The following RIMS2 variants were observed in gnomAD, a reference collection of about 807,000 sequenced individuals.
RIMS2 encodes regulating synaptic membrane exocytosis protein 2.
A neutral mutation model predicts 174.4 loss-of-function variants in RIMS2; 59 were observed. The ratio of observed to expected loss-of-function variants is 0.34; its 90% CI spans 0.27 to 0.42. The LOEUF is 0.42. Among genes scored for constraint, RIMS2 ranks in the 10% least tolerant of loss-of-function variants. The probability of loss-of-function intolerance (pLI) is 1.00; values close to 1 mark genes in which losing one functional copy is unlikely to be tolerated. For synonymous variants in RIMS2, 606 were observed against 572.5 expected (o/e 1.06, Z -0.84); for missense variants, 1,620 against 1,666.3 (o/e 0.97, Z 0.48).
chr8:103,761,340 G>A (rs1306902635), intron 2 of RIMS2, among the ~76,000 whole-genome samples: 1 of 152,248 alleles, frequency 6.6e-6, no homozygotes, highest in East Asian at 1.9e-4. Flanking sequence ...CTGTGAATTA[G>A]TCAAGGTAAT....
At chr8:103,840,213 A>T (rs1191470734) in intron 3 of RIMS2, among the ~76,000 whole-genome samples, 1 of 152,172 alleles carries the variant, frequency 6.6e-6, no homozygotes, top group African/African-American at 2.4e-5. Context: ...TCATGAACAT[A>T]CCCTATCAAG....
intron 19 of RIMS2, among the ~76,000 whole-genome samples, chr8:104,153,723 A>T (rs2134209494): frequency 6.6e-6 from 1 of 152,290 alleles, no homozygotes; most frequent in Non-Finnish European, 1.5e-5. Flanking sequence ...GAGCCCTAAG[A>T]CATTCTACCA....
chr8:104,010,250 A>G (rs767783145), intron 17 of RIMS2, among the ~76,000 whole-genome samples: 3 of 152,206 alleles, frequency 2.0e-5, no homozygotes, highest in Non-Finnish European at 4.4e-5. Flanking sequence ...ATGAGCAACT[A>G]TGTTGACCCA....
intron 2 of RIMS2, among the ~76,000 whole-genome samples, chr8:103,753,404 G>C (rs918977102): frequency 1.3e-5 from 2 of 152,044 alleles, no homozygotes; most frequent in Non-Finnish European, 2.9e-5. Context: ...CTCTTTTTTG[G>C]TTGTGTCTCT....
chr8:103,731,331 G>A (rs1394611722), intron 2 of RIMS2, among the ~76,000 whole-genome samples: 2 of 152,138 alleles, frequency 1.3e-5, no homozygotes, highest in African/African-American at 4.8e-5. Context: ...CAGACATATT[G>A]GAGCTGCATT....
chr8:104,136,680 A>G (rs1298034994), intron 19 of RIMS2, among the ~76,000 whole-genome samples: 8 of 152,202 alleles, frequency 5.3e-5, no homozygotes, highest in Non-Finnish European at 1.0e-4. Flanking sequence ...CATTATCCTT[A>G]GCAAACTAAC....
intron 1 of RIMS2, among the ~76,000 whole-genome samples, chr8:103,619,992 A>C (rs2095598587): frequency 6.6e-6 from 1 of 152,102 alleles, no homozygotes; most frequent in South Asian, 2.1e-4. Context: ...TTATTTTTGC[A>C]TTTTACCTAT....
At chr8:103,698,864 G>A (rs1049381872) in intron 2 of RIMS2, among the ~76,000 whole-genome samples, 10 of 152,092 alleles carry the variant, frequency 6.6e-5, no homozygotes, top group African/African-American at 2.2e-4. Flanking sequence ...TTTGGTTTTG[G>A]TATTGGGATA....
At chr8:103,670,419 C>G (rs1279689193) in intron 1 of RIMS2, among the ~76,000 whole-genome samples, 1 of 152,254 alleles carries the variant, frequency 6.6e-6, no homozygotes, top group Non-Finnish European at 1.5e-5. Context: ...AAGCAAATTT[C>G]TGCATCTGGC....
chr8:103,574,629 G>A (rs2093076849), intron 1 of RIMS2, among the ~76,000 whole-genome samples: 1 of 152,056 alleles, frequency 6.6e-6, no homozygotes, highest in African/African-American at 2.4e-5. Flanking sequence ...TTATAAATAT[G>A]CTTCTTGGTC....
chr8:103,700,414 G>GTC (rs777372279), intron 2 of RIMS2, among the ~76,000 whole-genome samples: 26 of 151,390 alleles, frequency 1.7e-4, no homozygotes, highest in Middle Eastern at 3.2e-3. Flanking sequence ...CTGTCTCTCT[G>GTC]TCTCTCTCTC....
intron 1 of RIMS2, among the ~76,000 whole-genome samples, chr8:103,566,083 T>A (rs2092318158): frequency 6.6e-6 from 1 of 152,216 alleles, no homozygotes; most frequent in Non-Finnish European, 1.5e-5. Flanking sequence ...CCTGGAACTG[T>A]CATGGTTCTG....
At chr8:103,962,715 C>G (rs1410757663) in intron 15 of RIMS2, among the ~76,000 whole-genome samples, 1 of 152,084 alleles carries the variant, frequency 6.6e-6, no homozygotes, top group Non-Finnish European at 1.5e-5. Flanking sequence ...CCTCAACTTC[C>G]CCAGGCTCAT....
At position 104,135,657 on chromosome 8, in the gene RIMS2, TAC is replaced by T. The variant is rs1021039377; in HGVS notation, c.3335-109255_3335-109254del. Among the ~76,000 whole-genome samples the T allele has an allele frequency of 4.0e-5, 6 of 149,920 alleles. No individual in the cohort carries two copies. In the Admixed American group the frequency reaches 4.0e-4, roughly 10 times the overall value. ...AAAAGAATGCTGAAATGTTGAGATG[TAC>T]ACAGAGAAGCAGCATGTGGTAGGAT... On this transcript the variant is annotated intron_variant, in intron 19 of 23. Transcript: ENST00000504942.
chr8:103,647,318 T>C (rs1252485532), intron 1 of RIMS2, among the ~76,000 whole-genome samples: 1 of 152,144 alleles, frequency 6.6e-6, no homozygotes, highest in Non-Finnish European at 1.5e-5. Flanking sequence ...GTTGTATCTG[T>C]GCCAGGTTTT....
chr8:104,045,065 T>A (rs75401120), intron 19 of RIMS2, among the ~76,000 whole-genome samples: 4,144 of 151,904 alleles, frequency 0.027, 194 homozygotes, highest in African/African-American at 0.094. Context: ...AAAGGTAATA[T>A]CTTTATTAGC....
At chr8:103,594,585 A>G (rs921495087) in intron 1 of RIMS2, among the ~76,000 whole-genome samples, 2 of 151,762 alleles carry the variant, frequency 1.3e-5, no homozygotes, top group African/African-American at 4.8e-5. Context: ...CATGGTTTAT[A>G]GCAATTTTAT....
chr8:103,835,267 A>C (rs918383183), intron 3 of RIMS2, among the ~76,000 whole-genome samples: 3 of 151,112 alleles, frequency 2.0e-5, no homozygotes, highest in Admixed American at 6.6e-5. Flanking sequence ...AGGCCCATCT[A>C]ATTTTTTGTC....
intron 19 of RIMS2, among the ~76,000 whole-genome samples, chr8:104,051,051 A>G (rs934287134): frequency 1.3e-5 from 2 of 152,102 alleles, no homozygotes; most frequent in Admixed American, 1.3e-4. Context: ...AGACTGGACA[A>G]CACAGCAAGA....
Sources: gnomAD v4.1 joint callset for allele counts (sites outside exome capture counted in the v4.1 genomes callset) on GRCh38, gnomAD v4.1.1 for gene constraint, MANE v1.5 for transcripts, NCBI Gene and HGNC (gene_info 2026-07-23, HGNC 2026-07-21) for gene names.